The following ME1 variants were observed in gnomAD, a reference collection of about 807,000 sequenced individuals.
ME1 encodes malic enzyme 1.
A neutral mutation model predicts 66.4 loss-of-function variants in ME1; 74 were observed. That is an observed-to-expected ratio of 1.11 (90% CI 0.92 to 1.35). The LOEUF is 1.35. ME1 is among the 40% of genes most tolerant of loss of function. The probability of loss-of-function intolerance (pLI) is 0.00; values close to 1 mark genes in which losing one functional copy is unlikely to be tolerated. For synonymous variants in ME1, 251 were observed against 235.6 expected (o/e 1.07, Z -0.60); for missense variants, 750 against 694.1 (o/e 1.08, Z -0.90).
chr6:83,380,013 A>G (rs1183065561), intron 3 of ME1, among the ~76,000 whole-genome samples: 3 of 152,154 alleles, frequency 2.0e-5, no homozygotes, highest in African/African-American at 7.2e-5. Flanking sequence ...AACCCTCTTC[A>G]GGTCCAAAGC....
At chr6:83,335,243 A>G (rs1583388292) in intron 5 of ME1, among the ~76,000 whole-genome samples, 1 of 18,430 alleles carries the variant, frequency 5.4e-5, no homozygotes, top group African/African-American at 2.5e-4. Flanking sequence ...AATGAAATGA[A>G]GCGAGAAGGG....
At chr6:83,275,929 C>G (rs1320785250) in intron 6 of ME1, among the ~76,000 whole-genome samples, 1 of 150,658 alleles carries the variant, frequency 6.6e-6, no homozygotes, top group African/African-American at 2.4e-5. Context: ...ACCACCACGC[C>G]CAGCTAATTT....
chr6:83,312,154 C>A (rs1418116258), intron 6 of ME1, among the ~76,000 whole-genome samples: 1 of 152,132 alleles, frequency 6.6e-6, no homozygotes, highest in Non-Finnish European at 1.5e-5. Flanking sequence ...AGCCCTTTAC[C>A]CAAGTAACTA....
In ME1 at chr6:83,228,932, C is replaced by T. The variant is rs760218252; in HGVS notation, c.1027-1G>A. ...TCTCTTGTGTTAAGGAAGCACGTCC[C>T]TAAGTAAAGCCAGTAAGAAAAAATT... On this transcript the variant is annotated splice_acceptor_variant, in intron 9 of 13. Transcript: ENST00000369705. LOFTEE classifies it high-confidence loss of function. The T allele has an allele frequency of 6.3e-6, 10 of 1,595,926 alleles. No homozygotes were observed. Among genetic ancestry groups the T allele is most frequent in the Non-Finnish European group, 7.7e-6 (9 of 1,172,524 alleles).
intron 3 of ME1, among the ~76,000 whole-genome samples, chr6:83,369,683 GGA>G (rs1769160743): frequency 6.9e-6 from 1 of 145,476 alleles, no homozygotes. Flanking sequence ...AAGGAAGGAA[GGA>G]AGGAAGGAAG....
In ME1 at chr6:83,346,247, G is replaced by A. The variant is rs1054873768; in HGVS notation, c.526C>T (p.Leu176=). The change falls in exon 5 of 14, where the codon CTA becomes TTA. Residue 176 remains leucine (L), a synonymous_variant. Transcript: ENST00000369705. ...GMGIPVGKLA[L]YTACGGMNPQ... The stretch of plus-strand genomic sequence containing the variant: ...TTCATCCCTCCGCAAGCTGTATATA[G>A]AGCCAATTTACCCACAGGGATGCCC... 3.7e-6 allele frequency: 6 copies of A among 1,613,388 alleles called. No individual in the cohort carries two copies. The Admixed American group carries it at 6.7e-5, about 18-fold the overall frequency.
At chr6:83,352,368 CT>C (rs1466721452) in intron 3 of ME1, among the ~76,000 whole-genome samples, 1 of 139,122 alleles carries the variant, frequency 7.2e-6, no homozygotes, top group Non-Finnish European at 1.6e-5. Flanking sequence ...GATTTGTTCT[CT>C]TAGATATTTT....
chr6:83,306,294 A>G (rs1343175433), intron 6 of ME1, among the ~76,000 whole-genome samples: 1 of 152,006 alleles, frequency 6.6e-6, no homozygotes, highest in African/African-American at 2.4e-5. Flanking sequence ...AAAAAAGGAG[A>G]GAGATACAGA....
chr6:83,220,425 C>G (rs1790070238), intron 12 of ME1, among the ~76,000 whole-genome samples: 1 of 152,276 alleles, frequency 6.6e-6, no homozygotes, highest in East Asian at 1.9e-4. Flanking sequence ...GGGCTGATCA[C>G]CAGAGGTCCA....
At chr6:83,371,195 T>G (rs1014313054) in intron 3 of ME1, among the ~76,000 whole-genome samples, 1 of 152,184 alleles carries the variant, frequency 6.6e-6, no homozygotes, top group African/African-American at 2.4e-5. Context: ...AAAACAGCAT[T>G]CTTGAAGAGC....
At chr6:83,213,627 G>A (rs1167184133) in intron 13 of ME1, among the ~76,000 whole-genome samples, 2 of 151,862 alleles carry the variant, frequency 1.3e-5, no homozygotes, top group Admixed American at 6.6e-5. Flanking sequence ...TTGGCCTCCC[G>A]AAGTGCTGGG....
At chr6:83,303,532 T>A (rs1289200720) in intron 6 of ME1, among the ~76,000 whole-genome samples, 1 of 152,172 alleles carries the variant, frequency 6.6e-6, no homozygotes, top group Non-Finnish European at 1.5e-5. Context: ...AGTTGTTTTG[T>A]TATGCAAAAC....
intron 8 of ME1, among the ~76,000 whole-genome samples, chr6:83,238,193 C>T (rs577030668): frequency 6.6e-6 from 1 of 152,142 alleles, no homozygotes; most frequent in African/African-American, 2.4e-5. Flanking sequence ...AAGAAAGAAG[C>T]TTGGTCATTT....
intron 6 of ME1, among the ~76,000 whole-genome samples, chr6:83,287,466 C>A (rs1322940187): frequency 6.6e-6 from 1 of 152,060 alleles, no homozygotes; most frequent in Non-Finnish European, 1.5e-5. Context: ...ATCCATGTCC[C>A]TGCAAAGAAC....
At position 83,216,584 on chromosome 6, in the gene ME1, G is replaced by A; in HGVS notation, c.1462C>T (p.Gln488Ter). 6.2e-7 allele frequency: 1 copy of A among 1,607,838 alleles called. No homozygotes were observed. Among genetic ancestry groups the A allele is most frequent in the Non-Finnish European group, 8.5e-7 (1 of 1,177,722 alleles). ...TCTTCCAAGTGTTTATCTGACACTT[G>A]CTGAGCTATAACCTTATGAAAAAAA... ...FLTTAEVIAQ[Q>*]VSDKHLEEGR... The change falls in exon 13 of 14, where the codon CAA becomes TAA. Residue 488 changes from glutamine (Q) to a stop codon, truncating the protein, a stop_gained. Transcript: ENST00000369705. LOFTEE classifies it high-confidence loss of function.
At chr6:83,306,451 T>C (rs1767825992) in intron 6 of ME1, among the ~76,000 whole-genome samples, 1 of 152,040 alleles carries the variant, frequency 6.6e-6, no homozygotes, top group Middle Eastern at 3.3e-3. Flanking sequence ...TCTATATAAA[T>C]CTCAATGTTT....
Position 83,217,669 on chromosome 6 carries a change from G to T in ME1, c.1450-1073C>A, listed in dbSNP as rs80258348. 1.6e-3 allele frequency among the ~76,000 whole-genome samples: 250 copies of T among 152,276 alleles called. 1 individual carries two copies. The highest frequency in any genetic ancestry group is 5.8e-3 in the African/African-American group (239 of 41,552). On this transcript the variant is annotated intron_variant, in intron 12 of 13. Coordinates refer to ENST00000369705, the MANE Select transcript of ME1 (RefSeq NM_002395.6). ...CTGGAAGGCCTTATAGTGCACAGTGGCTTGAAAGGCAAACCTACAGGAAAG... is the reference window on the plus strand; with the variant it reads ...CTGGAAGGCCTTATAGTGCACAGTGTCTTGAAAGGCAAACCTACAGGAAAG...
intron 4 of ME1, among the ~76,000 whole-genome samples, chr6:83,350,062 T>C (rs1481868318): frequency 6.6e-6 from 1 of 152,202 alleles, no homozygotes. Context: ...GCACCTATAA[T>C]ACCACACATT....
intron 12 of ME1, among the ~76,000 whole-genome samples, chr6:83,217,920 G>A (rs543002280): frequency 2.0e-5 from 3 of 152,212 alleles, no homozygotes; most frequent in African/African-American, 7.2e-5. Context: ...GGGACATTTA[G>A]GCAGAGGTAA....
Sources: allele counts gnomAD v4.1 joint callset (sites outside exome capture counted in the v4.1 genomes callset), GRCh38; gene constraint gnomAD v4.1.1; transcripts MANE v1.5; gene names NCBI Gene and HGNC (gene_info 2026-07-23, HGNC 2026-07-21).